Variants in ARPC2 observed in about 807,000 individuals in gnomAD.
ARPC2 encodes the protein actin related protein 2/3 complex subunit 2.
In ARPC2, 4 loss-of-function variants were observed where a neutral mutation model predicts 38.6. The ratio of observed to expected loss-of-function variants is 0.10; its 90% CI spans 0.05 to 0.24. ARPC2 has a LOEUF of 0.24. ARPC2 is among the 10% of genes least tolerant of loss of function. ARPC2 has a pLI of 1.00. For missense variants in ARPC2, 229 were observed against 387.3 expected (o/e 0.59, Z 3.43); for synonymous variants, 125 against 140.8 (o/e 0.89, Z 0.79).
chr2:218,245,732 T>C (rs1690015628), intron 8 of ARPC2, among the ~76,000 whole-genome samples, 186 bp downstream of exon 8: 1 of 152,242 alleles, frequency 6.6e-6, no homozygotes, highest in Non-Finnish European at 1.5e-5. Flanking sequence ...GAGCAGGCCA[T>C]ATGCTATTTT....
At chr2:218,232,005 C>G (rs1356267904) in intron 4 of ARPC2, among the ~76,000 whole-genome samples, 1 of 152,058 alleles carries the variant, frequency 6.6e-6, no homozygotes, top group Non-Finnish European at 1.5e-5. Context: ...TTTGGGAGGC[C>G]AAGACAGGTG....
Position 218,253,137 on chromosome 2 carries a change from TA to T in ARPC2, c.879-752del, listed in dbSNP as rs367578093. 9.4e-4 allele frequency: 346 copies of T among 369,536 alleles called. 4 individuals are homozygous for T. Among genetic ancestry groups the T allele is most frequent in the South Asian group, 5.9e-3 (295 of 49,608 alleles). 22.9% of individuals were successfully genotyped at this position (369,536 alleles called of 1,614,324 possible). A position where few individuals can be genotyped will look rare whatever the true frequency, so the allele number is the denominator to read the frequency against. On this transcript the variant is annotated intron_variant, in intron 10 of 10. Coordinates refer to ENST00000315717, the MANE Select transcript of ARPC2 (RefSeq NM_152862.3). ...GCTTTTCATTTGGAGAGAAGGATAA[TA>T]AGGTGTAGCTTCATTTTGGAATAAG...
At chr2:218,218,335 C>T (rs1689306000) in intron 2 of ARPC2, among the ~76,000 whole-genome samples, 1 of 152,216 alleles carries the variant, frequency 6.6e-6, no homozygotes, top group African/African-American at 2.4e-5. Context: ...ACTTCAAAGA[C>T]TCCAGAATCT....
At chr2:218,245,839 A>G (rs936693268) in intron 8 of ARPC2, among the ~76,000 whole-genome samples, 1 of 152,164 alleles carries the variant, frequency 6.6e-6, no homozygotes, top group African/African-American at 2.4e-5. Flanking sequence ...TCAATAGTTC[A>G]GCTGGTAGAG....
At chr2:218,247,620 C>T (rs112565916) in intron 8 of ARPC2, among the ~76,000 whole-genome samples, 3,526 of 152,254 alleles carry the variant, frequency 0.023, 114 homozygotes, top group African/African-American at 0.079. Flanking sequence ...TGTGCCACCA[C>T]ACCCGGCTAA....
At chr2:218,238,444 C>T (rs1398802861) in intron 5 of ARPC2, among the ~76,000 whole-genome samples, 1 of 152,098 alleles carries the variant, frequency 6.6e-6, no homozygotes, top group Non-Finnish European at 1.5e-5. Flanking sequence ...TATTTCACCT[C>T]ATTTTGCCCT....
chr2:218,253,462 T>C (rs1266275413), intron 10 of ARPC2, among the ~76,000 whole-genome samples: 1 of 152,182 alleles, frequency 6.6e-6, no homozygotes, highest in Non-Finnish European at 1.5e-5. Flanking sequence ...CCTGCCTTCA[T>C]GGTGAGAGAT....
At chr2:218,226,037 G>A (rs896122231) in intron 3 of ARPC2, 83 bp downstream of exon 3, 2 of 1,404,736 alleles carry the variant, frequency 1.4e-6, no homozygotes, top group Non-Finnish European at 2.0e-6. Context: ...GCACATGCCT[G>A]TAATCCCAGC....
rs775446564 is a variant in ARPC2 at position 218,254,017 on chromosome 2, G to T, written c.*102G>T. On this transcript the variant is annotated 3_prime_UTR_variant, in exon 11 of 11. Transcript: ENST00000315717. ...GTTGCGCCTCTTCAGGTTCTTAAGG[G>T]ATTCTCCGTTTTGGTTCCATTTTGT... The T allele has an allele frequency of 1.3e-6, 2 of 1,509,898 alleles. No homozygotes were observed. The highest frequency in any genetic ancestry group is 1.8e-5 in the Admixed American group (1 of 54,682). The allele number at this position is 1,509,898 out of a possible 1,614,324, so 93.5% of individuals were successfully genotyped here.
chr2:218,248,414 C>T (rs997161418), intron 8 of ARPC2, among the ~76,000 whole-genome samples: 5 of 152,150 alleles, frequency 3.3e-5, no homozygotes, highest in Non-Finnish European at 7.3e-5. Context: ...AAAACCAGGG[C>T]AAGAGGGGCA....
chr2:218,232,476 G>T (rs1383753402), intron 4 of ARPC2, among the ~76,000 whole-genome samples: 1 of 152,024 alleles, frequency 6.6e-6, no homozygotes, highest in Non-Finnish European at 1.5e-5. Context: ...CCAGCATCTG[G>T]CAAGGGCCTT....
intron 10 of ARPC2, 66 bp downstream of exon 10, chr2:218,249,987 G>A (rs1405823853): frequency 2.3e-5 from 32 of 1,378,826 alleles, no homozygotes; most frequent in Middle Eastern, 2.2e-4. Context: ...AGCAGTGGGC[G>A]CTGGTGGCCT....
At chr2:218,227,405 A>G (rs1689525756) in intron 3 of ARPC2, among the ~76,000 whole-genome samples, 1 of 152,190 alleles carries the variant, frequency 6.6e-6, no homozygotes, top group African/African-American at 2.4e-5. Flanking sequence ...AGTAGAGAAT[A>G]TTTAAATACT....
chr2:218,220,588 T>A (rs1689359953), intron 2 of ARPC2, among the ~76,000 whole-genome samples: 1 of 152,126 alleles, frequency 6.6e-6, no homozygotes, highest in African/African-American at 2.4e-5. Flanking sequence ...TATAGTTGCA[T>A]TAATTTTCCA....
In ARPC2 at chr2:218,234,383, T is replaced by C. The variant is rs751147970; in HGVS notation, c.254T>C (p.Val85Ala). The C allele has an allele frequency of 6.2e-7, 1 of 1,608,098 alleles. No homozygotes were observed. The highest frequency in any genetic ancestry group is 1.7e-5 in the Admixed American group (1 of 59,710). Reference sequence around the variant, plus strand: ...AAGAGGGTGTACGGGAGTTTCTTGGTAAATCCAGAATCAGGTATGTAGTCA... The same window carrying C: ...AAGAGGGTGTACGGGAGTTTCTTGGCAAATCCAGAATCAGGTATGTAGTCA... Reference protein sequence around the residue: ...LLKRVYGSFLVNPESGYNVSL... With the variant: ...LLKRVYGSFLANPESGYNVSL... The change falls in exon 5 of 11, where the codon GTA becomes GCA. Residue 85 changes from valine to alanine, a missense_variant. Val to Ala is a moderately conservative substitution (Grantham distance 64). Coordinates refer to ENST00000315717, the MANE Select transcript of ARPC2 (RefSeq NM_152862.3).
Position 218,239,415 on chromosome 2 carries a change from A to C in ARPC2, c.480A>C (p.Arg160Ser). 1 of 1,614,024 alleles carries C rather than the reference A, an allele frequency of 6.2e-7. No homozygotes were observed. Among genetic ancestry groups the C allele is most frequent in the Non-Finnish European group, 8.5e-7 (1 of 1,179,898 alleles). Residue 160 changes from arginine (R) to serine (S), a missense_variant, in exon 7 of 11, where the codon AGA becomes AGC. Arg to Ser is a moderately radical substitution (Grantham distance 110). Transcript: ENST00000315717. The stretch of plus-strand genomic sequence containing the variant: ...GGTATGTTGAGTCTAAAAAGGACAG[A>C]GTCACAGTAGTCTTCAGCACAGTGT... ...ETMYVESKKDRVTVVFSTVFK... is the reference protein window; with the variant it reads ...ETMYVESKKDSVTVVFSTVFK...
chr2:218,250,928 C>T (rs1429198956), intron 10 of ARPC2, among the ~76,000 whole-genome samples: 2 of 151,926 alleles, frequency 1.3e-5, no homozygotes, highest in Non-Finnish European at 2.9e-5. Context: ...AGTGCAGTGG[C>T]GCGATCTCAG....
intron 5 of ARPC2, chr2:218,235,134 C>G (rs539467020): frequency 7.0e-5 from 21 of 299,430 alleles, no homozygotes; most frequent in Non-Finnish European, 1.3e-4. Flanking sequence ...AGGAAGTTCT[C>G]TGTCACTCTT....
chr2:218,245,329 G>C, intron 7 of ARPC2, 91 bp from the exon 8 acceptor site: 1 of 1,543,390 alleles, frequency 6.5e-7, no homozygotes, highest in South Asian at 1.2e-5. Flanking sequence ...GGGCTACAAA[G>C]GTCACACCAC....
Sources: gnomAD v4.1 joint callset for allele counts (sites outside exome capture counted in the v4.1 genomes callset) on GRCh38, gnomAD v4.1.1 for gene constraint, MANE v1.5 for transcripts, NCBI Gene and HGNC (gene_info 2026-07-23, HGNC 2026-07-21) for gene names.